The following SLC25A26 variants were observed in gnomAD, a reference collection of about 807,000 sequenced individuals.
SLC25A26 encodes the protein solute carrier family 25 member 26, also known as mitochondrial S-adenosylmethionine carrier protein.
In SLC25A26, 36 loss-of-function variants were observed where a neutral mutation model predicts 37.8. That is an observed-to-expected ratio of 0.95 (90% CI 0.73 to 1.26). SLC25A26 has a LOEUF of 1.26. SLC25A26 is among the 50% of genes most tolerant of loss of function. The probability of loss-of-function intolerance (pLI) is 0.00; values close to 1 mark genes in which losing one functional copy is unlikely to be tolerated. For synonymous variants in SLC25A26, 129 were observed against 122.5 expected, an observed-to-expected ratio of 1.05 and a Z score of -0.35; for missense variants, 390 against 331.1, an observed-to-expected ratio of 1.18 and a Z score of -1.38.
intron 1 of SLC25A26, among the ~76,000 whole-genome samples, chr3:66,169,586 G>A (rs557348180): frequency 8.5e-5 from 13 of 152,114 alleles, no homozygotes; most frequent in African/African-American, 2.7e-4. Context: ...TGTAGGTTTC[G>A]CCCTTAGAAT....
chr3:66,343,974 C>T (rs1249428809), intron 5 of SLC25A26, among the ~76,000 whole-genome samples: 1 of 151,988 alleles, frequency 6.6e-6, no homozygotes, highest in Non-Finnish European at 1.5e-5. Flanking sequence ...CTTCGACATT[C>T]GGGGGGGCTG....
At chr3:66,362,533 G>A (rs1325733026) in intron 6 of SLC25A26, among the ~76,000 whole-genome samples, 1 of 152,146 alleles carries the variant, frequency 6.6e-6, no homozygotes, top group Admixed American at 6.5e-5. Flanking sequence ...CAGGAAGGAG[G>A]GGTTACATAG....
chr3:66,146,716 G>A (rs1576594513), intron 1 of SLC25A26, among the ~76,000 whole-genome samples: 1 of 152,106 alleles, frequency 6.6e-6, no homozygotes. Flanking sequence ...CTTTGGGGTT[G>A]TAATGGTTTT....
intron 6 of SLC25A26, among the ~76,000 whole-genome samples, chr3:66,351,477 TA>T (rs1204394438): frequency 6.6e-6 from 1 of 152,190 alleles, no homozygotes; most frequent in Non-Finnish European, 1.5e-5. Context: ...TCATGGTTTT[TA>T]TTATCTGACA....
chr3:66,364,428 TG>T (rs1215406393), intron 7 of SLC25A26, among the ~76,000 whole-genome samples: 1 of 152,126 alleles, frequency 6.6e-6, no homozygotes, highest in Non-Finnish European at 1.5e-5. Context: ...CCAGTGATGC[TG>T]GGGTATGGAG....
intron 3 of SLC25A26, among the ~76,000 whole-genome samples, chr3:66,250,062 T>C (rs979862400): frequency 1.3e-5 from 2 of 152,248 alleles, no homozygotes; most frequent in African/African-American, 4.8e-5. Flanking sequence ...TTTAAATTCC[T>C]TCTTAGCAAC....
At chr3:66,194,725 C>G (rs1481390380) in intron 1 of SLC25A26, among the ~76,000 whole-genome samples, 1 of 152,216 alleles carries the variant, frequency 6.6e-6, no homozygotes, top group Non-Finnish European at 1.5e-5. Flanking sequence ...AGTCAGCCTC[C>G]CGCATAGCTG....
chr3:66,375,185 C>G (rs1198309242), intron 9 of SLC25A26, among the ~76,000 whole-genome samples: 1 of 152,170 alleles, frequency 6.6e-6, no homozygotes, highest in East Asian at 1.9e-4. Flanking sequence ...TCCCTGAAGG[C>G]TGAGAGAGGT....
chr3:66,158,621 C>T (rs2070316089), intron 1 of SLC25A26, among the ~76,000 whole-genome samples: 1 of 152,218 alleles, frequency 6.6e-6, no homozygotes, highest in South Asian at 2.1e-4. Context: ...TTGCTATTGT[C>T]CCTCTTTTTG....
intron 1 of SLC25A26, among the ~76,000 whole-genome samples, chr3:66,173,229 G>A (rs778994764): frequency 1.2e-4 from 18 of 152,154 alleles, no homozygotes; most frequent in Non-Finnish European, 2.4e-4. Flanking sequence ...TCACCAACCC[G>A]ATGCCTGTCT....
chr3:66,352,535 T>TA (rs1435475474), intron 6 of SLC25A26, among the ~76,000 whole-genome samples: 5 of 152,170 alleles, frequency 3.3e-5, no homozygotes, highest in Non-Finnish European at 7.3e-5. Context: ...CATCATTTTT[T>TA]ATGTGTGATA....
At chr3:66,281,527 C>T (rs892614232) in intron 5 of SLC25A26, among the ~76,000 whole-genome samples, 2 of 151,856 alleles carry the variant, frequency 1.3e-5, no homozygotes, top group African/African-American at 4.8e-5. Flanking sequence ...CCTCCCTTGC[C>T]CTCCAGATCC....
chr3:66,312,990 A>C (rs994179750), intron 5 of SLC25A26, among the ~76,000 whole-genome samples: 1 of 152,144 alleles, frequency 6.6e-6, no homozygotes, highest in East Asian at 1.9e-4. Context: ...TTTGTTTTTC[A>C]TGTAAATATA....
intron 6 of SLC25A26, among the ~76,000 whole-genome samples, chr3:66,349,655 G>T (rs749220564): frequency 1.6e-4 from 25 of 152,028 alleles, no homozygotes; most frequent in Middle Eastern, 3.2e-3. Flanking sequence ...TAAAGCTGTC[G>T]TAAGTATTTG....
At chr3:66,267,612 T>C (rs1235246780) in intron 5 of SLC25A26, among the ~76,000 whole-genome samples, 1 of 152,188 alleles carries the variant, frequency 6.6e-6, no homozygotes, top group Non-Finnish European at 1.5e-5. Flanking sequence ...GATGTAGCCA[T>C]TTTAATAACA....
At chr3:66,198,357 T>C (rs2106807805) in intron 1 of SLC25A26, among the ~76,000 whole-genome samples, 1 of 152,058 alleles carries the variant, frequency 6.6e-6, no homozygotes, top group South Asian at 2.1e-4. Flanking sequence ...ACCAAGACAC[T>C]GCAGTTCATG....
intron 1 of SLC25A26, among the ~76,000 whole-genome samples, chr3:66,232,758 T>G (rs531033819): frequency 6.6e-6 from 1 of 152,344 alleles, no homozygotes; most frequent in Non-Finnish European, 1.5e-5. Flanking sequence ...TGGAAGGCTG[T>G]GCTAGGATTT....
intron 1 of SLC25A26, among the ~76,000 whole-genome samples, chr3:66,192,838 A>C (rs1342344601): frequency 6.6e-6 from 1 of 152,176 alleles, no homozygotes. Flanking sequence ...ATAATAAGAC[A>C]TATTTGTGTA....
At chr3:66,236,467 T>C (rs1008961459) in intron 1 of SLC25A26, 77 bp from the exon 2 acceptor site, 10 of 1,189,064 alleles carry the variant, frequency 8.4e-6, no homozygotes, top group Non-Finnish European at 1.1e-5. Context: ...TCTTCCTATC[T>C]TCGCCCCCAA....
Sources: allele counts gnomAD v4.1 joint callset (sites outside exome capture counted in the v4.1 genomes callset), GRCh38; gene constraint gnomAD v4.1.1; transcripts MANE v1.5; gene names NCBI Gene and HGNC (gene_info 2026-07-23, HGNC 2026-07-21).